Variants in KIAA1217 observed in about 807,000 individuals in gnomAD.
KIAA1217 encodes the protein sickle tail protein homolog.
KIAA1217 carries 88 observed loss-of-function variants against 163.9 expected under a neutral mutation model. That is an observed-to-expected ratio of 0.54 (90% CI 0.45 to 0.64). The LOEUF is 0.64. Among genes scored for constraint, KIAA1217 ranks in the 30% least tolerant of loss-of-function variants. KIAA1217 has a pLI of 0.00. For missense variants in KIAA1217, 2,372 were observed against 2,475.0 expected (o/e 0.96, Z 0.88); for synonymous variants, 903 against 923.1 (o/e 0.98, Z 0.39).
intron 2 of KIAA1217, among the ~76,000 whole-genome samples, chr10:24,268,213 C>T (rs543879758): frequency 3.9e-5 from 6 of 152,074 alleles, no homozygotes; most frequent in Non-Finnish European, 5.9e-5. Context: ...GAAAACTAGG[C>T]GAACTAGTAG....
At chr10:23,894,065 T>C (rs2131222366) in intron 1 of KIAA1217, among the ~76,000 whole-genome samples, 1 of 152,006 alleles carries the variant, frequency 6.6e-6, no homozygotes, top group African/African-American at 2.4e-5. Context: ...AAGCATTCCC[T>C]TTGAAAACTG....
intron 9 of KIAA1217, among the ~76,000 whole-genome samples, chr10:24,511,789 T>C (rs1387475002): frequency 6.6e-6 from 1 of 152,212 alleles, no homozygotes; most frequent in Non-Finnish European, 1.5e-5. Context: ...CCAAAAGTGA[T>C]ACATTTCTAT....
intron 2 of KIAA1217, among the ~76,000 whole-genome samples, chr10:24,014,644 C>A: frequency 6.6e-6 from 1 of 152,154 alleles, no homozygotes; most frequent in East Asian, 1.9e-4. Flanking sequence ...CAGCATCTAA[C>A]TCGTGAGCTT....
rs1215769242 is a variant in KIAA1217 at position 24,544,004 on chromosome 10, T to G, written c.4734T>G (p.Pro1578=). ...AGAAAAAGTTTAAATTCAAATTCCCTAAGAAGCAACTCGCCGCTCTCACTC... is the reference window on the plus strand; with the variant it reads ...AGAAAAAGTTTAAATTCAAATTCCCGAAGAAGCAACTCGCCGCTCTCACTC... ...SPKKKFKFKF[P]KKQLAALTQA... is the part of the protein sequence containing the mutation. Residue 1578 remains proline, a synonymous_variant, in exon 19 of 21, where the codon CCT becomes CCG. Transcript: ENST00000376454. 6.2e-7 allele frequency: 1 copy of G among 1,614,094 alleles called. No homozygotes were observed. Among genetic ancestry groups the G allele is most frequent in the East Asian group, 2.2e-5 (1 of 44,868 alleles).
chr10:23,952,866 T>C (rs1844401286), intron 1 of KIAA1217, among the ~76,000 whole-genome samples: 1 of 152,226 alleles, frequency 6.6e-6, no homozygotes, highest in South Asian at 2.1e-4. Flanking sequence ...CAAGTGGTCA[T>C]TTCAAGCATG....
intron 2 of KIAA1217, among the ~76,000 whole-genome samples, chr10:24,274,351 ATTT>A (rs71871934): frequency 6.9e-6 from 1 of 144,592 alleles, no homozygotes. Context: ...AGTCCAGCTA[ATTT>A]TTTTTTTTTT....
chr10:24,404,435 T>C (rs1278366795), intron 3 of KIAA1217, among the ~76,000 whole-genome samples: 5 of 151,846 alleles, frequency 3.3e-5, no homozygotes, highest in Non-Finnish European at 5.9e-5. Flanking sequence ...GGCATGGTGG[T>C]GTGTGCCTAT....
chr10:23,896,172 A>G (rs908526646), intron 1 of KIAA1217, among the ~76,000 whole-genome samples: 3 of 152,034 alleles, frequency 2.0e-5, no homozygotes, highest in African/African-American at 4.8e-5. Flanking sequence ...TTAAAAAAGT[A>G]GAAGAATAAT....
chr10:24,167,981 C>G (rs193074473), intron 2 of KIAA1217, among the ~76,000 whole-genome samples: 6 of 152,236 alleles, frequency 3.9e-5, no homozygotes, highest in Admixed American at 3.3e-4. Flanking sequence ...GAGAGCAGAG[C>G]CCTCACGAAA....
chr10:24,406,064 G>A (rs904953390), intron 3 of KIAA1217, among the ~76,000 whole-genome samples: 1 of 152,092 alleles, frequency 6.6e-6, no homozygotes, highest in African/African-American at 2.4e-5. Flanking sequence ...AAAATAGAAG[G>A]CTTTCACATC....
chr10:24,187,688 C>T (rs577427870), intron 2 of KIAA1217, among the ~76,000 whole-genome samples: 1 of 151,826 alleles, frequency 6.6e-6, no homozygotes, highest in Non-Finnish European at 1.5e-5. Context: ...GGCAGGAGTT[C>T]GAGACCAGCC....
At chr10:23,777,043 G>T (rs990547255) in intron 1 of KIAA1217, among the ~76,000 whole-genome samples, 2 of 152,058 alleles carry the variant, frequency 1.3e-5, no homozygotes, top group African/African-American at 2.4e-5. Flanking sequence ...TTTCTCTCAT[G>T]AGCATATCAT....
At chr10:24,267,155 A>G (rs1251671445) in intron 2 of KIAA1217, among the ~76,000 whole-genome samples, 2 of 152,166 alleles carry the variant, frequency 1.3e-5, no homozygotes, top group African/African-American at 4.8e-5. Context: ...ACGAGGTTGA[A>G]TTATTTATAG....
At chr10:24,427,706 C>A (rs934216881) in intron 3 of KIAA1217, among the ~76,000 whole-genome samples, 1 of 152,150 alleles carries the variant, frequency 6.6e-6, no homozygotes, top group African/African-American at 2.4e-5. Context: ...GAGGCAGAGT[C>A]CCCTGGACAA....
intron 2 of KIAA1217, among the ~76,000 whole-genome samples, chr10:24,343,143 C>A (rs1215824101): frequency 6.6e-6 from 1 of 152,116 alleles, no homozygotes; most frequent in Non-Finnish European, 1.5e-5. Context: ...GTTCATATAT[C>A]TGGGTATTTT....
rs533802730 is a variant in KIAA1217, at chr10:24,005,604, T to C, written c.-320-1621T>C. On this transcript the variant is annotated intron_variant, in intron 1 of 18. Transcript: ENST00000376462. ...AAATCTGGAAACTCACTTTCCTTTA[T>C]AGTAATGTGTGAGATCACTTCTACC... Among the ~76,000 whole-genome samples, 6 of 152,328 alleles carry C rather than the reference T, an allele frequency of 3.9e-5. No homozygotes were observed. The East Asian group carries it at 1.2e-3, about 29-fold the overall frequency.
At chr10:24,103,981 T>C (rs1589511062) in intron 2 of KIAA1217, among the ~76,000 whole-genome samples, 1 of 152,012 alleles carries the variant, frequency 6.6e-6, no homozygotes, top group African/African-American at 2.4e-5. Flanking sequence ...GTGATATTTT[T>C]GGCTGTGTCC....
At chr10:24,092,461 T>C (rs931513977) in intron 2 of KIAA1217, among the ~76,000 whole-genome samples, 3 of 151,874 alleles carry the variant, frequency 2.0e-5, no homozygotes, top group Non-Finnish European at 2.9e-5. Context: ...CAAATGTTTC[T>C]AATAGCTCTA....
chr10:23,725,472 G>T (rs12416100), intron 1 of KIAA1217, among the ~76,000 whole-genome samples: 6,815 of 152,322 alleles, frequency 0.045, 228 homozygotes, highest in South Asian at 0.081. Flanking sequence ...AGGCTGTGAT[G>T]TGGGTGAATG....
Sources: gnomAD v4.1 joint callset for allele counts (sites outside exome capture counted in the v4.1 genomes callset) on GRCh38, gnomAD v4.1.1 for gene constraint, MANE v1.5 for transcripts, NCBI Gene and HGNC (gene_info 2026-07-23, HGNC 2026-07-21) for gene names.